Variants in TOX2 observed in about 807,000 individuals in gnomAD.
TOX2 encodes the protein TOX high mobility group box family member 2.
In TOX2, 15 loss-of-function variants were observed where a neutral mutation model predicts 47.4. The observed-to-expected ratio is 0.32, with a 90% CI of 0.21 to 0.49. TOX2 has a LOEUF of 0.49. Ranked by LOEUF, TOX2 falls within the 20% of genes least tolerant of loss-of-function variation. The pLI, the probability that TOX2 is intolerant of heterozygous loss-of-function variation, is 0.99. For missense variants in TOX2, 622 were observed against 673.1 expected, an observed-to-expected ratio of 0.92 and a Z score of 0.84; for synonymous variants, 290 against 296.6, an observed-to-expected ratio of 0.98 and a Z score of 0.23.
chr20:43,958,485 A>G (rs1411626501), intron 1 of TOX2, among the ~76,000 whole-genome samples: 3 of 152,160 alleles, frequency 2.0e-5, no homozygotes, highest in Non-Finnish European at 2.9e-5. Context: ...ACAGGTATGT[A>G]CCAACTGCTC....
intron 1 of TOX2, among the ~76,000 whole-genome samples, chr20:43,928,223 G>C (rs2145309559): frequency 6.6e-6 from 1 of 152,354 alleles, no homozygotes; most frequent in South Asian, 2.1e-4. Context: ...TCTGACTTCA[G>C]TTTTCTCGTA....
intron 1 of TOX2, among the ~76,000 whole-genome samples, chr20:43,970,802 GT>G (rs905555676): frequency 6.6e-6 from 1 of 152,196 alleles, no homozygotes. Flanking sequence ...CAGCCTCCAT[GT>G]TGCTTCCACT....
intron 2 of TOX2, among the ~76,000 whole-genome samples, chr20:43,975,417 G>A (rs934770776): frequency 1.3e-5 from 2 of 152,106 alleles, no homozygotes; most frequent in South Asian, 4.2e-4. Flanking sequence ...CAACAGCCTC[G>A]AGAATGAGTA....
intron 1 of TOX2, among the ~76,000 whole-genome samples, chr20:43,935,578 A>G (rs2069315671): frequency 6.6e-6 from 1 of 152,144 alleles, no homozygotes; most frequent in Non-Finnish European, 1.5e-5. Flanking sequence ...CATGTCACAA[A>G]TGGGATACCT....
intron 2 of TOX2, among the ~76,000 whole-genome samples, chr20:43,991,676 C>T (rs955718419): frequency 6.6e-6 from 1 of 150,490 alleles, no homozygotes; most frequent in African/African-American, 2.5e-5. Flanking sequence ...TGGAGTCTTG[C>T]TCTGTCATCC....
At position 43,915,421 on chromosome 20, in the gene TOX2, C is replaced by T. The variant is rs549037686; in HGVS notation, c.99+431C>T. On this transcript the variant is annotated intron_variant, in intron 1 of 8. Transcript: ENST00000341197. The surrounding 1 kb of genome is among the most constrained non-coding windows in gnomAD (Gnocchi z 7.1). ...AGTCACCCACAGACGCTCCGATGCC[C>T]CACACACCGTGACATGCCCCCACCC... 6.6e-6 allele frequency among the ~76,000 whole-genome samples: 1 copy of T among 152,274 alleles called. No homozygotes were observed. The highest frequency in any genetic ancestry group is 2.4e-5 in the African/African-American group (1 of 41,554).
intron 3 of TOX2, among the ~76,000 whole-genome samples, chr20:44,041,263 C>T (rs2071327331): frequency 6.6e-6 from 1 of 152,138 alleles, no homozygotes; most frequent in Non-Finnish European, 1.5e-5. Context: ...AGAAGCAGTT[C>T]CCATTTGGCC....
At chr20:43,960,848 C>T (rs1196868192) in intron 1 of TOX2, among the ~76,000 whole-genome samples, 1 of 152,214 alleles carries the variant, frequency 6.6e-6, no homozygotes, top group African/African-American at 2.4e-5. Flanking sequence ...TGTGGCCTAG[C>T]TCCTGGGCAG....
At chr20:44,051,690 G>A in intron 4 of TOX2, 145 bp downstream of exon 4, 3 of 1,289,124 alleles carry the variant, frequency 2.3e-6, no homozygotes, top group Non-Finnish European at 3.1e-6. Flanking sequence ...TTCCCACTGA[G>A]CAGGCGTTCC....
chr20:44,053,499 G>C (rs1260847654), intron 4 of TOX2, among the ~76,000 whole-genome samples: 2 of 140,340 alleles, frequency 1.4e-5, no homozygotes, highest in African/African-American at 2.8e-5. Flanking sequence ...TATATATACA[G>C]ACATATATAT....
At chr20:43,998,338 T>C (rs1356900395) in intron 2 of TOX2, among the ~76,000 whole-genome samples, 1 of 152,202 alleles carries the variant, frequency 6.6e-6, no homozygotes, top group Non-Finnish European at 1.5e-5. Flanking sequence ...AGTTAGGTCT[T>C]AGAATTTGAT....
At chr20:43,919,847 A>C (rs1449783383) in intron 1 of TOX2, among the ~76,000 whole-genome samples, 1 of 152,262 alleles carries the variant, frequency 6.6e-6, no homozygotes, top group Non-Finnish European at 1.5e-5. Context: ...TGCAAAGGAC[A>C]TGATCTTGTT....
chr20:44,024,702 A>T (rs577004272), intron 3 of TOX2, among the ~76,000 whole-genome samples: 2 of 152,334 alleles, frequency 1.3e-5, no homozygotes, highest in South Asian at 4.1e-4. Flanking sequence ...AAACTGCACC[A>T]TCCACAAATA....
chr20:43,986,285 A>ATGTATGTATGTGTGTG lies in TOX2; in HGVS notation c.165+12856_165+12857insATGTATGTGTGTGTGT, dbSNP rs1555836350. Among the ~76,000 whole-genome samples, 737 of 151,618 alleles carry ATGTATGTATGTGTGTG rather than the reference A, an allele frequency of 4.9e-3. 9 individuals are homozygous for ATGTATGTATGTGTGTG. Among genetic ancestry groups the ATGTATGTATGTGTGTG allele is most frequent in the Non-Finnish European group, 5.3e-3 (358 of 67,872 alleles). On this transcript the variant is annotated intron_variant, in intron 2 of 8. Coordinates refer to ENST00000341197, the MANE Select transcript of TOX2 (RefSeq NM_001098797.2). ...TATGTATGTATGTATGTATGTATGTATGTGTGTATTTTTTGAGATGGAGTC... is the reference window on the plus strand; with the variant it reads ...TATGTATGTATGTATGTATGTATGTATGTATGTATGTGTGTGTGTGTGTATTTTTTGAGATGGAGTC...
intron 1 of TOX2, among the ~76,000 whole-genome samples, chr20:43,951,702 AT>A (rs2069569009): frequency 2.6e-5 from 1 of 38,674 alleles, no homozygotes; most frequent in Non-Finnish European, 5.4e-5. Flanking sequence ...TATTAAACTT[AT>A]TATGTTTTTT....
In TOX2 at chr20:44,064,773, C is replaced by T; in HGVS notation, c.880-4C>T. On this transcript the variant is annotated splice_region_variant and splice_polypyrimidine_tract_variant and intron_variant, in intron 5 of 8. Coordinates refer to ENST00000341197, the MANE Select transcript of TOX2 (RefSeq NM_001098797.2). ...CAGTGTTGCTCATGTGTTGACTCTTCCAGGCCTACAAGAGGAAGACAGAAG... is the reference window on the plus strand; with the variant it reads ...CAGTGTTGCTCATGTGTTGACTCTTTCAGGCCTACAAGAGGAAGACAGAAG... 2 of 1,614,004 alleles carry T rather than the reference C, an allele frequency of 1.2e-6. No homozygotes were observed. The highest frequency in any genetic ancestry group is 1.7e-6 in the Non-Finnish European group (2 of 1,179,914).
intron 2 of TOX2, among the ~76,000 whole-genome samples, chr20:43,979,261 G>C (rs534094524): frequency 6.6e-6 from 1 of 152,334 alleles, no homozygotes; most frequent in Admixed American, 6.5e-5. Flanking sequence ...AACCTTGGGA[G>C]TGAAGGAGAT....
chr20:44,028,007 A>G (rs1162068541), intron 3 of TOX2, among the ~76,000 whole-genome samples: 2 of 152,226 alleles, frequency 1.3e-5, no homozygotes, highest in Non-Finnish European at 1.5e-5. Context: ...GAAACGGCTC[A>G]GAGCAAAGCA....
intron 3 of TOX2, among the ~76,000 whole-genome samples, chr20:44,046,731 CTG>C (rs2071413776): frequency 6.6e-6 from 1 of 152,188 alleles, no homozygotes; most frequent in Non-Finnish European, 1.5e-5. Context: ...GTAGTCAAAA[CTG>C]TTTATTGAAT....
Sources: allele counts gnomAD v4.1 joint callset (sites outside exome capture counted in the v4.1 genomes callset), GRCh38; gene constraint gnomAD v4.1.1; non-coding constraint Gnocchi (gnomAD v3.1); transcripts MANE v1.5; gene names NCBI Gene and HGNC (gene_info 2026-07-23, HGNC 2026-07-21).